The following USH2A variants were observed in gnomAD, a reference collection of about 807,000 sequenced individuals.
USH2A encodes usherin.
Under a neutral mutation model 538.9 loss-of-function variants are expected in USH2A, and 443 were observed. The ratio of observed to expected loss-of-function variants is 0.82; its 90% CI spans 0.76 to 0.89. USH2A has a LOEUF of 0.89. Among genes scored for constraint, USH2A ranks in the 40% least tolerant of loss-of-function variants. USH2A has a pLI of 0.00. For missense variants in USH2A, 6,633 were observed against 6,324.8 expected (o/e 1.05, Z -1.65); for synonymous variants, 2,413 against 2,273.5 (o/e 1.06, Z -1.75).
intron 55 of USH2A, among the ~76,000 whole-genome samples, chr1:215,778,911 A>G (rs977065385): frequency 6.6e-6 from 1 of 152,240 alleles, no homozygotes; most frequent in African/African-American, 2.4e-5. Context: ...GGAGAATCAA[A>G]TTGCATAGTG....
intron 16 of USH2A, 26 bp from the exon 17 acceptor site, chr1:216,200,147 C>G: frequency 6.4e-7 from 1 of 1,559,576 alleles, no homozygotes. Context: ...AAAAAAAAAA[C>G]AAAGTTACAT....
chr1:216,274,729 CA>C (rs148313520), intron 11 of USH2A, among the ~76,000 whole-genome samples: 7,704 of 152,074 alleles, frequency 0.051, 304 homozygotes, highest in Middle Eastern at 0.16. Flanking sequence ...GCTCAGCTGT[CA>C]AAAATACTCA....
At chr1:216,275,630 A>G (rs1226281066) in intron 11 of USH2A, among the ~76,000 whole-genome samples, 1 of 152,124 alleles carries the variant, frequency 6.6e-6, no homozygotes, top group African/African-American at 2.4e-5. Flanking sequence ...CAAATAAATC[A>G]GGTTTTCTAA....
chr1:215,922,535 G>A (rs1666128893), intron 38 of USH2A, among the ~76,000 whole-genome samples: 3 of 151,166 alleles, frequency 2.0e-5, no homozygotes, highest in Non-Finnish European at 4.4e-5. Flanking sequence ...TAAAGTCATA[G>A]ACAAGATCAT....
chr1:216,147,161 A>G (rs1066183), intron 21 of USH2A, among the ~76,000 whole-genome samples: 132,702 of 150,740 alleles, frequency 0.88, 58,555 homozygotes, highest in East Asian at 0.98. Context: ...AACCCCAAGC[A>G]TCGCTGAGTC....
intron 3 of USH2A, among the ~76,000 whole-genome samples, chr1:216,371,537 A>G (rs2038714183): frequency 6.6e-6 from 1 of 152,172 alleles, no homozygotes; most frequent in Non-Finnish European, 1.5e-5. Context: ...TTACATCAAC[A>G]GCTAATTCAC....
chr1:216,125,454 A>C (rs2033233149), intron 21 of USH2A, among the ~76,000 whole-genome samples: 1 of 152,180 alleles, frequency 6.6e-6, no homozygotes. Flanking sequence ...TGCATGCATA[A>C]AGAAAATTAG....
intron 46 of USH2A, among the ~76,000 whole-genome samples, chr1:215,843,807 A>G (rs1376210420): frequency 6.6e-6 from 1 of 152,198 alleles, no homozygotes; most frequent in Non-Finnish European, 1.5e-5. Flanking sequence ...AGAATGCTAG[A>G]GGTGGCTAGA....
intron 70 of USH2A, among the ~76,000 whole-genome samples, chr1:215,631,056 A>AAAT (rs1656268218): frequency 6.6e-6 from 1 of 152,060 alleles, no homozygotes; most frequent in Non-Finnish European, 1.5e-5. Flanking sequence ...TACAAAAGAC[A>AAAT]CTCTCATTCC....
rs560130765 is a variant in USH2A, at chr1:215,960,327, T to C, written c.7120+4990A>G. On this transcript the variant is annotated intron_variant, in intron 37 of 71. Coordinates refer to ENST00000307340, the MANE Select transcript of USH2A (RefSeq NM_206933.4). ...CTACTATGCTGTAAAGTTTTATTTG[T>C]ATTCCCAAACTTACACATTTGTTTT... Among the ~76,000 whole-genome samples, 10 of 152,272 alleles carry C rather than the reference T, an allele frequency of 6.6e-5. No individual in the cohort carries two copies. In the East Asian group the frequency reaches 1.2e-3, roughly 18 times the overall value.
At chr1:216,093,229 C>T (rs1444649505) in intron 22 of USH2A, among the ~76,000 whole-genome samples, 1 of 152,142 alleles carries the variant, frequency 6.6e-6, no homozygotes, top group Non-Finnish European at 1.5e-5. Context: ...TCCCAAAGTG[C>T]TAGGATTACA....
At chr1:215,856,834 T>G (rs1292973446) in intron 44 of USH2A, among the ~76,000 whole-genome samples, 5 of 42,244 alleles carry the variant, frequency 1.2e-4, no homozygotes, top group Admixed American at 1.1e-3. Context: ...AAAAATTTGG[T>G]GTGTGTGTGT....
intron 32 of USH2A, among the ~76,000 whole-genome samples, chr1:216,033,467 G>A (rs1401793306): frequency 6.6e-6 from 1 of 152,194 alleles, no homozygotes; most frequent in Non-Finnish European, 1.5e-5. Context: ...GAAAAGGCAT[G>A]TGGTATTTCA....
chr1:216,205,708 CTG>C (rs2035097535), intron 16 of USH2A, among the ~76,000 whole-genome samples: 1 of 152,240 alleles, frequency 6.6e-6, no homozygotes, highest in African/African-American at 2.4e-5. Flanking sequence ...ATTTGGAAAA[CTG>C]TGTATTAAAT....
intron 3 of USH2A, among the ~76,000 whole-genome samples, chr1:216,369,807 C>T (rs1274102014): frequency 6.6e-6 from 1 of 151,130 alleles, no homozygotes; most frequent in Non-Finnish European, 1.5e-5. Context: ...CCTGTAGTCC[C>T]AGCTACTCGG....
intron 10 of USH2A, among the ~76,000 whole-genome samples, chr1:216,289,669 G>A (rs2036962939): frequency 6.6e-6 from 1 of 152,080 alleles, no homozygotes; most frequent in African/African-American, 2.4e-5. Flanking sequence ...CTTTATAGGG[G>A]CCCATACATT....
At chr1:215,630,205 T>C (rs754823053) in intron 70 of USH2A, 3 of 473,870 alleles carry the variant, frequency 6.3e-6, no homozygotes, top group African/African-American at 4.0e-5. Context: ...GTGCATGGTG[T>C]AACTTTTTAG....
intron 11 of USH2A, among the ~76,000 whole-genome samples, chr1:216,278,526 C>A (rs2036713153): frequency 6.6e-6 from 1 of 152,170 alleles, no homozygotes; most frequent in Admixed American, 6.6e-5. Context: ...TACTACTAAA[C>A]TTCCCTAATT....
rs1325811823 is a variant in USH2A at position 215,790,180 on chromosome 1, A to T, written c.10061T>A (p.Val3354Glu). 3 of 1,614,048 alleles carry T rather than the reference A, an allele frequency of 1.9e-6. No individual in the cohort carries two copies. Among genetic ancestry groups the T allele is most frequent in the Middle Eastern group, 1.6e-4 (1 of 6,062 alleles). ...TTCAGTCTCACAGCATTTTACTGGC[A>T]CCGGGTCATTCTTTTTAATATGTGC... ...SKAHIKKNDP[V>E]PVKCCETELI... is the part of the protein sequence containing the mutation. The change falls in exon 51 of 72, where the codon GTG becomes GAG. Residue 3354 changes from valine (V) to glutamate (E), a missense_variant. Val to Glu is a moderately radical substitution (Grantham distance 121). Transcript: ENST00000307340.
Sources: gnomAD v4.1 joint callset for allele counts (sites outside exome capture counted in the v4.1 genomes callset) on GRCh38, gnomAD v4.1.1 for gene constraint, MANE v1.5 for transcripts, NCBI Gene and HGNC (gene_info 2026-07-23, HGNC 2026-07-21) for gene names.